Variants in PIGL observed in about 807,000 individuals in gnomAD.
PIGL encodes N-acetylglucosaminyl-phosphatidylinositol de-N-acetylase.
A neutral mutation model predicts 31.1 loss-of-function variants in PIGL; 22 were observed. That is an observed-to-expected ratio of 0.71 (90% CI 0.51 to 1.01). The LOEUF is 1.01. PIGL is among the 50% of genes least tolerant of loss of function. The pLI, the probability that PIGL is intolerant of heterozygous loss-of-function variation, is 0.00. For synonymous variants in PIGL, 131 were observed against 117.4 expected (o/e 1.12, Z -0.75); for missense variants, 302 against 315.9 (o/e 0.96, Z 0.33).
chr17:16,314,710 C>T (rs887248227), intron 4 of PIGL, among the ~76,000 whole-genome samples: 17 of 152,112 alleles, frequency 1.1e-4, no homozygotes, highest in Non-Finnish European at 2.1e-4. Context: ...TTAGAAGAGA[C>T]ATGCTCCTAG....
intron 2 of PIGL, among the ~76,000 whole-genome samples, chr17:16,265,949 A>G (rs1000584475): frequency 1.3e-5 from 2 of 152,076 alleles, no homozygotes; most frequent in African/African-American, 4.8e-5. Context: ...AGTACTAACC[A>G]TGAGGAAGGG....
chr17:16,229,858 A>ATT (rs71150280), intron 1 of PIGL, among the ~76,000 whole-genome samples: 8,909 of 97,532 alleles, frequency 0.091, 1,716 homozygotes, highest in African/African-American at 0.25. Context: ...TAAAGTCATG[A>ATT]TTTTTTTTTT....
chr17:16,230,612 G>T (rs2092674387), intron 1 of PIGL, among the ~76,000 whole-genome samples: 1 of 151,354 alleles, frequency 6.6e-6, no homozygotes, highest in Non-Finnish European at 1.5e-5. Context: ...CAATCTAGCA[G>T]TCATAATCAC....
chr17:16,275,150 A>G (rs563767778), intron 2 of PIGL, among the ~76,000 whole-genome samples: 17 of 152,286 alleles, frequency 1.1e-4, no homozygotes, highest in African/African-American at 3.8e-4. Context: ...TACTCTAAAC[A>G]AGGGCTGGCT....
At chr17:16,319,327 T>A (rs968521681) in intron 6 of PIGL, among the ~76,000 whole-genome samples, 5 of 152,168 alleles carry the variant, frequency 3.3e-5, no homozygotes, top group Admixed American at 3.3e-4. Flanking sequence ...CCACTGTATG[T>A]ATATACCATA....
At chr17:16,240,830 C>T (rs1487041655) in intron 2 of PIGL, among the ~76,000 whole-genome samples, 3 of 149,494 alleles carry the variant, frequency 2.0e-5, no homozygotes, top group East Asian at 2.1e-4. Context: ...AGAAATAGGC[C>T]GGGCATGGTG....
chr17:16,217,287 G>A lies in PIGL; in HGVS notation c.61G>A (p.Val21Ile). The A allele has an allele frequency of 3.1e-6, 5 of 1,614,230 alleles. No homozygotes were observed. The highest frequency in any genetic ancestry group is 4.2e-6 in the Non-Finnish European group (5 of 1,180,048). ...LAVLAWGFLW[V>I]WDSSERMKSR... is the part of the protein sequence containing the mutation. Reference sequence around the variant, plus strand: ...GGTCTTGGCATGGGGCTTCCTCTGGGTTTGGGACTCCTCAGAACGAATGAA... The same window carrying A: ...GGTCTTGGCATGGGGCTTCCTCTGGATTTGGGACTCCTCAGAACGAATGAA... Residue 21 changes from valine (V) to isoleucine (I), a missense_variant, in exon 1 of 7, where the codon GTT becomes ATT. Val to Ile is a conservative substitution (Grantham distance 29, BLOSUM62 3). Coordinates refer to ENST00000225609, the MANE Select transcript of PIGL (RefSeq NM_004278.4).
At chr17:16,293,939 G>T (rs538258931) in intron 2 of PIGL, among the ~76,000 whole-genome samples, 1 of 152,312 alleles carries the variant, frequency 6.6e-6, no homozygotes, top group East Asian at 1.9e-4. Flanking sequence ...GTGTAGTAAA[G>T]AATTTGGCCT....
At chr17:16,317,235 G>T in intron 5 of PIGL, 4 of 1,004,150 alleles carry the variant, frequency 4.0e-6, no homozygotes, top group Non-Finnish European at 2.4e-6. Context: ...AGTAGTTTGT[G>T]CCCTTTCTAT....
chr17:16,297,701 T>C (rs1568831020), intron 2 of PIGL, among the ~76,000 whole-genome samples: 2 of 152,196 alleles, frequency 1.3e-5, no homozygotes, highest in Non-Finnish European at 2.9e-5. Context: ...GCTTTATCCC[T>C]TTCTCCTGAT....
intron 1 of PIGL, among the ~76,000 whole-genome samples, chr17:16,220,551 C>G (rs1270282489): frequency 8.2e-6 from 1 of 122,548 alleles, no homozygotes; most frequent in Non-Finnish European, 1.6e-5. Flanking sequence ...TGCAGTGGTT[C>G]GATCTTGGCT....
intron 3 of PIGL, among the ~76,000 whole-genome samples, chr17:16,308,875 G>A (rs3112514): frequency 1 from 149,496 of 149,546 alleles, 74,723 homozygotes; most frequent in East Asian, 1. Context: ...TGTAACCTTG[G>A]ACCCCTGGAC....
At chr17:16,295,722 T>A (rs1464688372) in intron 2 of PIGL, among the ~76,000 whole-genome samples, 3 of 151,946 alleles carry the variant, frequency 2.0e-5, no homozygotes. Context: ...GGTGGGTGGA[T>A]CACGAGGTCA....
At chr17:16,271,299 C>A (rs1049486004) in intron 2 of PIGL, among the ~76,000 whole-genome samples, 8 of 152,192 alleles carry the variant, frequency 5.3e-5, no homozygotes, top group African/African-American at 1.9e-4. Context: ...TGGGCAGGCA[C>A]ATTCATGCTC....
intron 6 of PIGL, among the ~76,000 whole-genome samples, chr17:16,323,367 G>A (rs1206229539): frequency 6.6e-6 from 1 of 152,002 alleles, no homozygotes; most frequent in Non-Finnish European, 1.5e-5. Flanking sequence ...CCAGGTAGCT[G>A]GGATTACAGG....
At chr17:16,264,599 CATT>C (rs67790275) in intron 2 of PIGL, among the ~76,000 whole-genome samples, 6,998 of 143,838 alleles carry the variant, frequency 0.049, 338 homozygotes, top group African/African-American at 0.12. Context: ...AACACATCGT[CATT>C]ATTATTATTA....
At chr17:16,318,592 T>C (rs1442730297) in intron 6 of PIGL, among the ~76,000 whole-genome samples, 1 of 151,988 alleles carries the variant, frequency 6.6e-6, no homozygotes, top group East Asian at 1.9e-4. Flanking sequence ...ATATATATAA[T>C]GTGTATGTGT....
At chr17:16,323,235 CTT>C (rs879720025) in intron 6 of PIGL, among the ~76,000 whole-genome samples, 1 of 144,508 alleles carries the variant, frequency 6.9e-6, no homozygotes. Flanking sequence ...TATATGTGGT[CTT>C]TTTTTTTTTT....
intron 3 of PIGL, among the ~76,000 whole-genome samples, chr17:16,309,352 G>A (rs1051138837): frequency 1.3e-5 from 2 of 152,192 alleles, no homozygotes; most frequent in African/African-American, 2.4e-5. Context: ...GCGATAAAGC[G>A]AGCATAAAAG....
Sources: allele counts gnomAD v4.1 joint callset (sites outside exome capture counted in the v4.1 genomes callset), GRCh38; gene constraint gnomAD v4.1.1; transcripts MANE v1.5; gene names NCBI Gene and HGNC (gene_info 2026-07-23, HGNC 2026-07-21).